The following ATF7IP2 variants were observed in gnomAD, a reference collection of about 807,000 sequenced individuals.
ATF7IP2 encodes activating transcription factor 7 interacting protein 2.
ATF7IP2 carries 42 observed loss-of-function variants against 64.2 expected under a neutral mutation model. That is an observed-to-expected ratio of 0.65 (90% CI 0.51 to 0.85). ATF7IP2 has a LOEUF of 0.85. Ranked by LOEUF, ATF7IP2 falls within the 40% of genes least tolerant of loss-of-function variation. The pLI is 0.00. For synonymous variants in ATF7IP2, 308 were observed against 272.8 expected (o/e 1.13, Z -1.27); for missense variants, 933 against 784.2 (o/e 1.19, Z -2.27).
chr16:10,409,209 T>TA (rs1463355142), intron 1 of ATF7IP2, among the ~76,000 whole-genome samples: 1 of 152,150 alleles, frequency 6.6e-6, no homozygotes, highest in Non-Finnish European at 1.5e-5. Context: ...GGATGTGAGT[T>TA]ACAGTGGTGG....
chr16:10,483,497 A>G lies in ATF7IP2; in HGVS notation c.*1248A>G, dbSNP rs1428089988. ...ATGATAAGAAACAAAAATAATCCCA[A>G]CTGTTTGAAAGTTCGAAAGAGGGGC... On this transcript the variant is annotated 3_prime_UTR_variant, in exon 14 of 14. Coordinates refer to ENST00000562102, the MANE Select transcript of ATF7IP2 (RefSeq NM_001393719.1). The G allele has an allele frequency of 6.6e-6, 1 of 152,068 alleles. No individual in the cohort carries two copies. The highest frequency in any genetic ancestry group is 1.5e-5 in the Non-Finnish European group (1 of 68,018). 9.4% of individuals were successfully genotyped at this position (152,068 alleles called of 1,614,324 possible). A position where few individuals can be genotyped will look rare whatever the true frequency, so the allele number is the denominator to read the frequency against.
Position 10,473,956 on chromosome 16 carries a change from T to A in ATF7IP2, c.1516T>A (p.Leu506Met), listed in dbSNP as rs1469923931. The stretch of plus-strand genomic sequence containing the variant: ...GAAGAAACTTGATTCTATAATTGAT[T>A]TGACAAAAGAAGGCCTATCCAACTG... ...VQKKLDSIID[L>M]TKEGLSNCNT... Residue 506 changes from leucine (L) to methionine (M), a missense_variant, in exon 12 of 14, where the codon TTG (leucine) becomes ATG (methionine). By Grantham distance (15) the Leu-to-Met change is conservative. Coordinates refer to ENST00000562102, the MANE Select transcript of ATF7IP2 (RefSeq NM_001393719.1). The A allele has an allele frequency of 6.3e-7, 1 of 1,589,780 alleles. No individual in the cohort carries two copies. The highest frequency in any genetic ancestry group is 1.1e-5 in the South Asian group (1 of 89,506).
At chr16:10,462,530 T>C (rs1371428717) in intron 9 of ATF7IP2, among the ~76,000 whole-genome samples, 1 of 152,152 alleles carries the variant, frequency 6.6e-6, no homozygotes, top group African/African-American at 2.4e-5. Flanking sequence ...TCACATTGCT[T>C]TCTGACTTCT....
At chr16:10,440,259 A>T in intron 7 of ATF7IP2, 105 bp from the exon 8 acceptor site, 1 of 510,710 alleles carries the variant, frequency 2.0e-6, no homozygotes, top group Non-Finnish European at 3.4e-6. Flanking sequence ...ATTTGGGTAG[A>T]TGTCTAGGTC....
intron 1 of ATF7IP2, among the ~76,000 whole-genome samples, chr16:10,412,527 T>C (rs2047792370): frequency 6.6e-6 from 1 of 152,240 alleles, no homozygotes; most frequent in Admixed American, 6.5e-5. Context: ...TTTTCCACTA[T>C]GGTCTGAGAG....
intron 9 of ATF7IP2, 45 bp from the exon 10 acceptor site, chr16:10,472,065 A>G (rs758861771): frequency 3.2e-6 from 3 of 930,628 alleles, no homozygotes; most frequent in South Asian, 3.0e-5. Context: ...TAAGCCTGAT[A>G]ATGCATGTTT....
chr16:10,454,540 C>A (rs2049104341), intron 8 of ATF7IP2, among the ~76,000 whole-genome samples: 1 of 151,344 alleles, frequency 6.6e-6, no homozygotes, highest in African/African-American at 2.4e-5. Context: ...TCTTGATCAA[C>A]CAGATTTTGT....
chr16:10,458,607 A>G (rs532818139), intron 9 of ATF7IP2, among the ~76,000 whole-genome samples: 200 of 152,340 alleles, frequency 1.3e-3, no homozygotes, highest in African/African-American at 4.5e-3. Flanking sequence ...GATGGCTTTA[A>G]TGGTGAGTTT....
At position 10,483,003 on chromosome 16, in the gene ATF7IP2, C is replaced by T. The variant is rs2050292427; in HGVS notation, c.*754C>T. 1.3e-5 allele frequency: 2 copies of T among 152,238 alleles called. No individual in the cohort carries two copies. The highest frequency in any genetic ancestry group is 6.5e-5 in the Admixed American group (1 of 15,284). 9.4% of individuals were successfully genotyped at this position (152,238 alleles called of 1,614,324 possible). On this transcript the variant is annotated 3_prime_UTR_variant, in exon 14 of 14. Coordinates refer to ENST00000562102, the MANE Select transcript of ATF7IP2 (RefSeq NM_001393719.1). ...TGCTGGGATTATAGGCGTAAGCCAC[C>T]ATGCCTGGCCAAAAATTAAAAGATT...
chr16:10,464,033 G>C (rs2049465710), intron 9 of ATF7IP2, among the ~76,000 whole-genome samples: 2 of 152,126 alleles, frequency 1.3e-5, no homozygotes, highest in Non-Finnish European at 2.9e-5. Flanking sequence ...CAAATGCCTT[G>C]AGAGAAGAAC....
intron 7 of ATF7IP2, among the ~76,000 whole-genome samples, chr16:10,439,668 G>C (rs1027147384): frequency 1.3e-5 from 2 of 150,656 alleles, no homozygotes; most frequent in African/African-American, 4.9e-5. Flanking sequence ...GAGTAGCTGG[G>C]ATTACAGGCG....
At chr16:10,404,771 G>C (rs2047602387) in intron 1 of ATF7IP2, among the ~76,000 whole-genome samples, 1 of 151,576 alleles carries the variant, frequency 6.6e-6, no homozygotes, top group South Asian at 2.1e-4. Flanking sequence ...TCGAACTCCT[G>C]GACTCAAGTA....
chr16:10,480,175 C>T (rs8058298), intron 12 of ATF7IP2, among the ~76,000 whole-genome samples: 71,810 of 150,964 alleles, frequency 0.48, 17,643 homozygotes, highest in East Asian at 0.55. Context: ...TTAGTAGAGA[C>T]AGCATTCTAC....
At chr16:10,458,729 G>C (rs13337598) in intron 9 of ATF7IP2, among the ~76,000 whole-genome samples, 84,570 of 152,034 alleles carry the variant, frequency 0.56, 23,569 homozygotes, top group East Asian at 0.69. Flanking sequence ...AACCCTAATA[G>C]TATTATAAAA....
intron 1 of ATF7IP2, among the ~76,000 whole-genome samples, chr16:10,393,823 T>C (rs532492477): frequency 4.6e-5 from 7 of 152,246 alleles, no homozygotes; most frequent in African/African-American, 1.4e-4. Flanking sequence ...CGAGGATCAT[T>C]TGAGGCCAGG....
chr16:10,429,431 A>G (rs566149021), intron 4 of ATF7IP2, among the ~76,000 whole-genome samples: 1 of 152,220 alleles, frequency 6.6e-6, no homozygotes, highest in Non-Finnish European at 1.5e-5. Context: ...GCTCACTGCA[A>G]CCTCTGCCTC....
intron 8 of ATF7IP2, among the ~76,000 whole-genome samples, chr16:10,453,453 CAGTT>C (rs2049055654): frequency 6.6e-6 from 1 of 152,162 alleles, no homozygotes. Flanking sequence ...CCAGGTACCT[CAGTT>C]AGAAATGCAG....
intron 1 of ATF7IP2, among the ~76,000 whole-genome samples, chr16:10,405,672 G>A (rs148919073): frequency 1.4e-4 from 21 of 152,180 alleles, no homozygotes; most frequent in Admixed American, 5.2e-4. Flanking sequence ...CTTCATCAAC[G>A]TCCTCCCAGG....
chr16:10,478,279 C>G (rs1251566314), intron 12 of ATF7IP2, among the ~76,000 whole-genome samples: 3 of 150,472 alleles, frequency 2.0e-5, no homozygotes, highest in Non-Finnish European at 4.5e-5. Context: ...GTAACCAAAA[C>G]AGCATGGTAC....
Sources: allele counts gnomAD v4.1 joint callset (sites outside exome capture counted in the v4.1 genomes callset), GRCh38; gene constraint gnomAD v4.1.1; transcripts MANE v1.5; gene names NCBI Gene and HGNC (gene_info 2026-07-23, HGNC 2026-07-21).